AUTS2: variants seen among roughly 807,000 people sequenced by gnomAD.
AUTS2 encodes activator of transcription and developmental regulator AUTS2, also known as autism susceptibility gene 2 protein.
AUTS2 carries 17 observed loss-of-function variants against 112.4 expected under a neutral mutation model. That is an observed-to-expected ratio of 0.15 (90% CI 0.10 to 0.23). AUTS2 has a LOEUF of 0.23. Among genes scored for constraint, AUTS2 ranks in the 10% least tolerant of loss-of-function variants. The pLI, the probability that AUTS2 is intolerant of heterozygous loss-of-function variation, is 1.00. For missense variants in AUTS2, 1,510 were observed against 1,701.6 expected (o/e 0.89, Z 1.98); for synonymous variants, 751 against 702.7 (o/e 1.07, Z -1.09).
chr7:69,998,215 A>G (rs1034131944), intron 2 of AUTS2, among the ~76,000 whole-genome samples: 1 of 152,108 alleles, frequency 6.6e-6, no homozygotes, highest in Non-Finnish European at 1.5e-5. Context: ...ACTGTAAACT[A>G]TACTCACTTT....
At chr7:70,655,074 A>G (rs1032732200) in intron 5 of AUTS2, among the ~76,000 whole-genome samples, 1 of 152,242 alleles carries the variant, frequency 6.6e-6, no homozygotes, top group Admixed American at 6.5e-5. Context: ...GAAATGTCTC[A>G]GTGACAGCCT....
At chr7:69,885,681 G>C (rs1238587543) in intron 1 of AUTS2, among the ~76,000 whole-genome samples, 1 of 152,148 alleles carries the variant, frequency 6.6e-6, no homozygotes, top group Non-Finnish European at 1.5e-5. Flanking sequence ...ACTTTGGAAA[G>C]TCACTTGTTT....
intron 5 of AUTS2, among the ~76,000 whole-genome samples, chr7:70,486,907 C>A (rs528513089): frequency 6.8e-5 from 8 of 117,110 alleles, no homozygotes; most frequent in African/African-American, 2.6e-4. Context: ...TCCCCCCCCC[C>A]CAAAAAAAAA....
chr7:69,604,888 G>A (rs1792625190), intron 1 of AUTS2, among the ~76,000 whole-genome samples: 1 of 152,182 alleles, frequency 6.6e-6, no homozygotes, highest in Non-Finnish European at 1.5e-5. Context: ...TTCTCAAGCT[G>A]GAAGGGAACA....
At chr7:69,977,733 G>A (rs1281925207) in intron 2 of AUTS2, among the ~76,000 whole-genome samples, 1 of 151,964 alleles carries the variant, frequency 6.6e-6, no homozygotes, top group East Asian at 1.9e-4. Flanking sequence ...CTTTTCTAGG[G>A]GCTTGTTTTG....
At chr7:70,256,122 A>G (rs1452026807) in intron 4 of AUTS2, among the ~76,000 whole-genome samples, 2 of 152,176 alleles carry the variant, frequency 1.3e-5, no homozygotes, top group Admixed American at 6.5e-5. Context: ...AGCACTGATA[A>G]TGAGCTGCGA....
chr7:69,956,345 G>A (rs1056841890), intron 2 of AUTS2, among the ~76,000 whole-genome samples: 1 of 152,066 alleles, frequency 6.6e-6, no homozygotes, highest in Admixed American at 6.5e-5. Context: ...GTGCTTACAT[G>A]TACTCATATA....
At chr7:70,131,639 T>A (rs1436746511) in intron 3 of AUTS2, among the ~76,000 whole-genome samples, 2 of 152,154 alleles carry the variant, frequency 1.3e-5, no homozygotes, top group African/African-American at 4.8e-5. Context: ...GATCTGTTGT[T>A]GCCTGTGTTC....
At chr7:70,777,081 A>G (rs769293624) in intron 13 of AUTS2, 22 bp from the exon 14 acceptor site, 5 of 1,612,238 alleles carry the variant, frequency 3.1e-6, no homozygotes, top group Non-Finnish European at 4.2e-6. Context: ...CCTCCTAACC[A>G]CGTTGCTCTT....
At chr7:69,966,214 A>T (rs1425582050) in intron 2 of AUTS2, among the ~76,000 whole-genome samples, 1 of 152,202 alleles carries the variant, frequency 6.6e-6, no homozygotes, top group East Asian at 1.9e-4. Context: ...AAGGATTTGT[A>T]GGTCCACATC....
chr7:70,718,639 G>A (rs1316357629), intron 6 of AUTS2, among the ~76,000 whole-genome samples: 4 of 152,012 alleles, frequency 2.6e-5, no homozygotes, highest in African/African-American at 9.7e-5. Context: ...CTCCAGCCTG[G>A]GCGACAGGGT....
At chr7:69,676,814 CTTTTTTCTTTTTTTTT>C (rs1002386566) in intron 1 of AUTS2, among the ~76,000 whole-genome samples, 1 of 83,994 alleles carries the variant, frequency 1.2e-5, no homozygotes, top group Non-Finnish European at 2.5e-5. Flanking sequence ...TGGTTTTTTT[CTTTTTTCTTTTTTTTT>C]TTTAAAGTAT....
At chr7:70,714,516 CTCCATGATTG>C (rs1277631653) in intron 6 of AUTS2, among the ~76,000 whole-genome samples, 3 of 152,224 alleles carry the variant, frequency 2.0e-5, no homozygotes, top group Non-Finnish European at 4.4e-5. Context: ...ATGATCTCAT[CTCCATGATTG>C]TCCCACAAGG....
intron 4 of AUTS2, among the ~76,000 whole-genome samples, chr7:70,339,525 G>A (rs1286613564): frequency 6.6e-6 from 1 of 152,054 alleles, no homozygotes; most frequent in Non-Finnish European, 1.5e-5. Flanking sequence ...TATTAATAAG[G>A]ATTATGAATT....
Position 70,789,948 on chromosome 7 carries a change from C to G in AUTS2, c.2732C>G (p.Ala911Gly). Reference protein sequence around the residue: ...RKDLAADEHKAKEGHLPEKDG... With the variant: ...RKDLAADEHKGKEGHLPEKDG... ...GACCTGGCCGCCGACGAGCACAAGGCGAAAGAGGGCCACCTGCCCGAGAAG... is the reference window on the plus strand; with the variant it reads ...GACCTGGCCGCCGACGAGCACAAGGGGAAAGAGGGCCACCTGCCCGAGAAG... Residue 911 changes from alanine (A) to glycine (G), a missense_variant, in exon 19 of 19, where the codon GCG becomes GGG. Physicochemically the swap from Ala to Gly is moderately conservative, Grantham distance 60 (BLOSUM62 0). This residue lies in a region of AUTS2 where 788 missense variants were observed against 797.6 expected (regional missense o/e 0.99). Coordinates refer to ENST00000342771, the MANE Select transcript of AUTS2 (RefSeq NM_015570.4). The G allele has an allele frequency of 6.2e-7, 1 of 1,613,766 alleles. No individual in the cohort carries two copies. The highest frequency in any genetic ancestry group is 8.5e-7 in the Non-Finnish European group (1 of 1,179,908).
chr7:70,513,937 G>A (rs1039045135), intron 5 of AUTS2, among the ~76,000 whole-genome samples: 11 of 152,152 alleles, frequency 7.2e-5, no homozygotes, highest in Admixed American at 6.5e-5. Context: ...TGGGATTATA[G>A]GTGTGAGCCA....
chr7:69,712,886 T>G (rs1405586828), intron 1 of AUTS2, among the ~76,000 whole-genome samples: 3 of 152,208 alleles, frequency 2.0e-5, no homozygotes, highest in Non-Finnish European at 4.4e-5. Context: ...ACACTTGATA[T>G]AGTTGATATT....
intron 4 of AUTS2, among the ~76,000 whole-genome samples, chr7:70,427,028 A>G (rs1448378109): frequency 6.7e-6 from 1 of 149,146 alleles, no homozygotes; most frequent in Non-Finnish European, 1.5e-5. Context: ...CCAAGAAACT[A>G]TATATGGGAA....
At chr7:69,712,604 T>C (rs1219072309) in intron 1 of AUTS2, among the ~76,000 whole-genome samples, 1 of 152,144 alleles carries the variant, frequency 6.6e-6, no homozygotes, top group Non-Finnish European at 1.5e-5. Context: ...TACACCAAAG[T>C]TTGTTTATCT....
Sources: allele counts gnomAD v4.1 joint callset (sites outside exome capture counted in the v4.1 genomes callset), GRCh38; gene constraint gnomAD v4.1.1; regional missense constraint gnomAD v4.1.1; transcripts MANE v1.5; gene names NCBI Gene and HGNC (gene_info 2026-07-23, HGNC 2026-07-21).